DMD: variants seen among roughly 807,000 people sequenced by gnomAD.
DMD encodes the protein dystrophin, also known as mutant dystrophin.
DMD carries 63 observed loss-of-function variants against 330.1 expected under a neutral mutation model. The ratio of observed to expected loss-of-function variants is 0.19; its 90% CI spans 0.16 to 0.24. The LOEUF (loss-of-function observed/expected upper bound fraction) is 0.24. Ranked by LOEUF, DMD falls within the 10% of genes least tolerant of loss-of-function variation. The pLI is 1.00. For missense variants in DMD, 3,344 were observed against 2,684.1 expected (o/e 1.25, Z -5.43); for synonymous variants, 1,223 against 959.8 (o/e 1.27, Z -5.07).
chrX:32,208,540 T>C (rs1316162703), intron 44 of DMD, among the ~76,000 whole-genome samples: 1 of 110,938 alleles, frequency 9.0e-6, no homozygotes, highest in South Asian at 3.8e-4. Flanking sequence ...ATCCCAGAGG[T>C]GTAATGGAGG....
intron 44 of DMD, among the ~76,000 whole-genome samples, chrX:32,144,692 T>C (rs2096770289): frequency 8.9e-6 from 1 of 112,109 alleles, no homozygotes; most frequent in Admixed American, 9.5e-5. Flanking sequence ...GTCTTCATGA[T>C]GTTAAACTAT....
intron 51 of DMD, among the ~76,000 whole-genome samples, chrX:31,746,057 G>A (rs749109025): frequency 1.9e-4 from 21 of 112,246 alleles, no homozygotes; most frequent in Non-Finnish European, 3.9e-4. Flanking sequence ...GTGCTCATCT[G>A]TTCAAAAATA....
Position 32,342,210 on chromosome X carries a change from C to T in DMD, c.5812G>A (p.Glu1938Lys). Residue 1938 changes from glutamate to lysine, a missense_variant, in exon 41 of 79, where the codon GAG (glutamate) becomes AAG (lysine). Glu to Lys is a moderately conservative substitution (Grantham distance 56). Coordinates refer to ENST00000357033, the MANE Select transcript of DMD (RefSeq NM_004006.3). ...TCCACTGCCATTGCGGCCCCATCCT[C>T]AGACAAGCCCTCAGCTTGCCTACGC... ...AVRRQAEGLS[E>K]DGAAMAVEPT... 1 of 1,211,407 alleles carries T rather than the reference C, an allele frequency of 8.3e-7. No individual in the cohort carries two copies. Among genetic ancestry groups the T allele is most frequent in the Non-Finnish European group, 1.1e-6 (1 of 895,230 alleles).
At chrX:32,780,655 T>C (rs754285279) in intron 7 of DMD, among the ~76,000 whole-genome samples, 53 of 111,734 alleles carry the variant, frequency 4.7e-4, no homozygotes, top group Non-Finnish European at 8.3e-4. Flanking sequence ...ATTTCATTGC[T>C]TGTTAATGTT....
At chrX:33,095,714 T>C (rs2095148691) in intron 1 of DMD, among the ~76,000 whole-genome samples, 1 of 111,509 alleles carries the variant, frequency 9.0e-6, no homozygotes, top group Non-Finnish European at 1.9e-5. Flanking sequence ...TGTCTTCTTA[T>C]ATTCAAAGGA....
intron 64 of DMD, among the ~76,000 whole-genome samples, chrX:31,212,347 C>G (rs138038445): frequency 0.082 from 8,952 of 108,889 alleles, 345 homozygotes; most frequent in Admixed American, 0.15. Flanking sequence ...GTGGTGGTAC[C>G]CTATGCATGA....
At chrX:32,307,505 G>A (rs2097544957) in intron 42 of DMD, among the ~76,000 whole-genome samples, 1 of 111,821 alleles carries the variant, frequency 8.9e-6, no homozygotes, top group African/African-American at 3.2e-5. Flanking sequence ...ACCAGTCAGA[G>A]TACAAGGCAT....
intron 76 of DMD, among the ~76,000 whole-genome samples, chrX:31,145,454 C>A (rs1005503757): frequency 9.0e-6 from 1 of 111,476 alleles, no homozygotes; most frequent in African/African-American, 3.3e-5. Flanking sequence ...TTCTATGAAA[C>A]TCATTCTCAA....
At chrX:31,217,526 G>A (rs143611357) in intron 64 of DMD, among the ~76,000 whole-genome samples, 6 of 112,252 alleles carry the variant, frequency 5.3e-5, no homozygotes, top group Non-Finnish European at 7.5e-5. Context: ...GGAAATCACT[G>A]AGATAACATC....
chrX:32,411,905 C>G lies in DMD; in HGVS notation c.4080G>C (p.Arg1360Ser). The change falls in exon 30 of 79, where the codon AGG becomes AGC. Residue 1360 changes from arginine (R) to serine (S), a missense_variant. Physicochemically the swap from Arg to Ser is moderately radical, Grantham distance 110. Coordinates refer to ENST00000357033, the MANE Select transcript of DMD (RefSeq NM_004006.3). ...RWRELHEEAV[R>S]RQKLLEQSIQ... ...TGCTCTGTTCAAGCAACTTTTGCCT[C>G]CTTACAGCCTAAAAAGAAGGAATAA... The G allele has an allele frequency of 5.0e-6, 6 of 1,210,339 alleles. No individual in the cohort carries two copies. The highest frequency in any genetic ancestry group is 6.7e-6 in the Non-Finnish European group (6 of 894,811).
At chrX:31,746,310 T>C (rs866627628) in intron 51 of DMD, among the ~76,000 whole-genome samples, 1 of 111,585 alleles carries the variant, frequency 9.0e-6, no homozygotes, top group African/African-American at 3.3e-5. Context: ...TGAACACAGT[T>C]AATCAGAATA....
At chrX:31,182,651 C>A in intron 68 of DMD, 87 bp downstream of exon 68, 1 of 944,070 alleles carries the variant, frequency 1.1e-6, no homozygotes, top group Non-Finnish European at 1.5e-6. Flanking sequence ...GAACTAACAG[C>A]AACTGGCACA....
At chrX:31,924,444 C>T (rs1603608824) in intron 47 of DMD, among the ~76,000 whole-genome samples, 1 of 111,801 alleles carries the variant, frequency 8.9e-6, no homozygotes, top group African/African-American at 3.3e-5. Context: ...ATGTTTACTC[C>T]TCAGATACAT....
chrX:31,260,926 A>G lies in DMD; in HGVS notation c.9286+29T>C, dbSNP rs747643718. 8.4e-6 allele frequency: 10 copies of G among 1,192,829 alleles called. No homozygotes were observed. The Admixed American group carries it at 2.0e-4, about 23-fold the overall frequency. On this transcript the variant is annotated intron_variant, in intron 63 of 78. Coordinates refer to ENST00000357033, the MANE Select transcript of DMD (RefSeq NM_004006.3). ...TATCCTAAAGGTCACCTGTCATTTAACTTGGAGGAAACATGGCCATGTCCT... is the reference window on the plus strand; with the variant it reads ...TATCCTAAAGGTCACCTGTCATTTAGCTTGGAGGAAACATGGCCATGTCCT...
intron 47 of DMD, among the ~76,000 whole-genome samples, chrX:31,923,557 ACTATCAGACTATATG>A (rs2094722670): frequency 9.1e-6 from 1 of 109,468 alleles, no homozygotes; most frequent in Admixed American, 9.8e-5. Context: ...GTTTCTGGGA[ACTATCAGACTATATG>A]CCCAATAAAT....
chrX:32,343,052 C>T (rs1407336019), intron 40 of DMD, 82 bp downstream of exon 40: 15 of 987,070 alleles, frequency 1.5e-5, no homozygotes, highest in Non-Finnish European at 1.4e-6. Flanking sequence ...GAAACAAGAA[C>T]ATCAACATTT....
intron 49 of DMD, among the ~76,000 whole-genome samples, chrX:31,830,701 G>A (rs1259764081): frequency 1.8e-5 from 2 of 112,094 alleles, no homozygotes; most frequent in Non-Finnish European, 3.8e-5. Context: ...TTCAGCGACA[G>A]CATTGAGAAC....
At chrX:31,214,724 A>G (rs1480408216) in intron 64 of DMD, among the ~76,000 whole-genome samples, 1 of 109,426 alleles carries the variant, frequency 9.1e-6, no homozygotes, top group Non-Finnish European at 1.9e-5. Context: ...CAAATCTAGA[A>G]GTAGAGTTTC....
chrX:32,967,158 T>C (rs2092192429), intron 2 of DMD, among the ~76,000 whole-genome samples: 1 of 111,724 alleles, frequency 9.0e-6, no homozygotes. Flanking sequence ...AGCCCCTTTG[T>C]CTCCTCTTTC....
Sources: gnomAD v4.1 joint callset for allele counts (sites outside exome capture counted in the v4.1 genomes callset) on GRCh38, gnomAD v4.1.1 for gene constraint, MANE v1.5 for transcripts, NCBI Gene and HGNC (gene_info 2026-07-23, HGNC 2026-07-21) for gene names.